The following LOC400499 variants were observed in gnomAD, a reference collection of about 807,000 sequenced individuals.
chr16:11,424,344 C>G, the LOC400499 span: 1 of 399,758 alleles, frequency 2.5e-6, no homozygotes, highest in Non-Finnish European at 4.4e-6. Context: ...GGAGGGGAGT[C>G]CTGGGGGAAG....
the LOC400499 span, chr16:11,435,943 C>T: frequency 5.0e-6 from 2 of 398,606 alleles, no homozygotes; most frequent in Admixed American, 4.4e-5. Context: ...GGAGGGCTGC[C>T]TCCTTCTCCA....
the LOC400499 span, among the ~76,000 whole-genome samples, chr16:11,435,347 C>G: frequency 6.6e-6 from 1 of 152,296 alleles, no homozygotes; most frequent in East Asian, 1.9e-4. Context: ...CTCCTGAACT[C>G]AAGCAATCCT....
chr16:11,454,906 C>T, the LOC400499 span, among the ~76,000 whole-genome samples: 5 of 152,150 alleles, frequency 3.3e-5, no homozygotes, highest in Non-Finnish European at 1.5e-5. Context: ...AAAAGGGAGG[C>T]TGCAGAACCA....
the LOC400499 span, chr16:11,387,390 G>C: frequency 1.0e-6 from 1 of 996,762 alleles, no homozygotes; most frequent in Non-Finnish European, 1.3e-6. Context: ...GAAGAGCTCT[G>C]CAGTGGAGAG....
chr16:11,475,147 C>G, the LOC400499 span, among the ~76,000 whole-genome samples: 18 of 152,086 alleles, frequency 1.2e-4, no homozygotes, highest in Non-Finnish European at 2.2e-4. Flanking sequence ...TCCCTCTTTC[C>G]CCTCCAGCCC....
At chr16:11,452,536 C>T in the LOC400499 span, among the ~76,000 whole-genome samples, 1 of 152,192 alleles carries the variant, frequency 6.6e-6, no homozygotes, top group African/African-American at 2.4e-5. Flanking sequence ...CCACAGCGGC[C>T]CCTCAAAGTG....
At chr16:11,427,100 G>A in the LOC400499 span, among the ~76,000 whole-genome samples, 3 of 151,886 alleles carry the variant, frequency 2.0e-5, no homozygotes, top group Middle Eastern at 3.4e-3. Flanking sequence ...GCTCACACCT[G>A]TAATCCCAGC....
the LOC400499 span, chr16:11,516,371 C>T: frequency 2.5e-6 from 1 of 398,720 alleles, no homozygotes; most frequent in Non-Finnish European, 4.4e-6. Flanking sequence ...TGCAGACTGC[C>T]AGAGGCCACA....
the LOC400499 span, chr16:11,459,907 G>T: frequency 4.9e-6 from 7 of 1,433,574 alleles, no homozygotes; most frequent in Non-Finnish European, 6.4e-6. Flanking sequence ...TCCATGAAGT[G>T]ATTGCTCAGG....
At chr16:11,446,664 A>G in the LOC400499 span, 1 of 1,535,056 alleles carries the variant, frequency 6.5e-7, no homozygotes, top group South Asian at 1.2e-5. Context: ...ATACATGTAC[A>G]CACGCATGCA....
the LOC400499 span, among the ~76,000 whole-genome samples, chr16:11,499,481 T>C: frequency 6.6e-6 from 1 of 152,030 alleles, no homozygotes; most frequent in African/African-American, 2.4e-5. Context: ...GTGATGCCTC[T>C]TGGGACCCAA....
At chr16:11,458,901 G>A in the LOC400499 span, among the ~76,000 whole-genome samples, 7 of 151,894 alleles carry the variant, frequency 4.6e-5, no homozygotes, top group African/African-American at 1.7e-4. Flanking sequence ...GCCAGACGTG[G>A]TGGCAGGCAC....
the LOC400499 span, among the ~76,000 whole-genome samples, chr16:11,418,067 A>G: frequency 6.6e-6 from 1 of 152,224 alleles, no homozygotes; most frequent in African/African-American, 2.4e-5. Context: ...GAAACCAATC[A>G]GGAAGTGGGG....
the LOC400499 span, among the ~76,000 whole-genome samples, chr16:11,403,196 A>G: frequency 3.4e-3 from 520 of 152,198 alleles, 3 homozygotes; most frequent in African/African-American, 0.012. Flanking sequence ...GCTCTGTACA[A>G]AGGGCACCCA....
the LOC400499 span, among the ~76,000 whole-genome samples, chr16:11,427,520 C>T: frequency 2.0e-5 from 3 of 152,140 alleles, no homozygotes; most frequent in Admixed American, 6.6e-5. Flanking sequence ...TCATGGCTCA[C>T]TGCAATGTCC....
chr16:11,439,654 T>G, the LOC400499 span: 3 of 398,692 alleles, frequency 7.5e-6, no homozygotes, highest in East Asian at 3.6e-5. Context: ...AGGTGGCTAC[T>G]GGGCAAATGC....
At chr16:11,464,877 AG>A in the LOC400499 span, among the ~76,000 whole-genome samples, 1 of 152,236 alleles carries the variant, frequency 6.6e-6, no homozygotes, top group African/African-American at 2.4e-5. Flanking sequence ...TAGAAGTTCA[AG>A]GGCCCCTGGG....
the LOC400499 span, chr16:11,501,021 C>A: frequency 2.5e-6 from 1 of 398,664 alleles, no homozygotes. Flanking sequence ...AAGCTCATCT[C>A]ACCGAAGTCA....
the LOC400499 span, chr16:11,398,428 T>A: frequency 2.4e-6 from 3 of 1,232,216 alleles, no homozygotes; most frequent in Non-Finnish European, 3.0e-6. Flanking sequence ...CCCCAGAAGC[T>A]CTGACGGGTA....
Sources: gnomAD v4.1 joint callset for allele counts (sites outside exome capture counted in the v4.1 genomes callset) on GRCh38, gnomAD v4.1.1 for gene constraint, MANE v1.5 for transcripts.